The following ZNF17 variants were observed in gnomAD, a reference collection of about 807,000 sequenced individuals.
ZNF17 encodes zinc finger protein 17 (HPF3, KOX 10).
Under a neutral mutation model 7.7 loss-of-function variants are expected in ZNF17, and 4 were observed. That is an observed-to-expected ratio of 0.52 (90% CI 0.26 to 1.20). ZNF17 has a LOEUF of 1.20. Among genes scored for constraint, ZNF17 ranks in the 50% most tolerant of loss-of-function variants. ZNF17 has a pLI of 0.14. For synonymous variants in ZNF17, 249 were observed against 258.8 expected, an observed-to-expected ratio of 0.96 and a Z score of 0.36; for missense variants, 738 against 799.5, an observed-to-expected ratio of 0.92 and a Z score of 0.93.
chr19:57,420,685 GT>G lies in ZNF17; in HGVS notation c.1201del (p.Ser401ProfsTer59). ...GAATGTGGGAAATTCTTTAGATACC[GT>G]TCCACACTCATTAGACATCAGAAAG... ...CNECGKFFRYRSTLIRHQKVH... is the reference protein window; with the variant it reads ...CNECGKFFRYXSTLIRHQKVH... On this transcript the variant is annotated frameshift_variant, in exon 4 of 4. Coordinates refer to ENST00000307658, the MANE Select transcript of ZNF17 (RefSeq NM_001330617.2). LOFTEE classifies it low-confidence loss of function (END_TRUNC). 6.2e-7 allele frequency: 1 copy of G among 1,613,516 alleles called. No individual in the cohort carries two copies. The highest frequency in any genetic ancestry group is 8.5e-7 in the Non-Finnish European group (1 of 1,179,868).
rs1365793363 is a variant in ZNF17, at chr19:57,417,829, G to C, written c.22-83G>C. On this transcript the variant is annotated intron_variant, in intron 2 of 3. Coordinates refer to ENST00000307658, the MANE Select transcript of ZNF17 (RefSeq NM_001330617.2). The stretch of plus-strand genomic sequence containing the variant: ...ACCACTGCACTCCAGCCTGGCAACA[G>C]AGCGAGACTCCATCTCAAAAAAAAA... 3.9e-6 allele frequency: 6 copies of C among 1,522,762 alleles called. No individual in the cohort carries two copies. In the South Asian group the frequency reaches 4.8e-5, roughly 12 times the overall value. 94.3% of individuals were successfully genotyped at this position (1,522,762 alleles called of 1,614,324 possible).
intron 3 of ZNF17, 89 bp from the exon 4 acceptor site, chr19:57,419,546 T>C: frequency 1.4e-6 from 2 of 1,390,292 alleles, no homozygotes; most frequent in Non-Finnish European, 2.0e-6. Flanking sequence ...CCCATGGTCT[T>C]ATTTGTGAGT....
At position 57,421,695 on chromosome 19, in the gene ZNF17, G is replaced by A. The variant is rs762852116; in HGVS notation, c.*214G>A. 1 of 512,746 alleles carries A rather than the reference G, an allele frequency of 2.0e-6. No homozygotes were observed. Among genetic ancestry groups the A allele is most frequent in the Non-Finnish European group, 3.2e-6 (1 of 308,736 alleles). 31.8% of individuals were successfully genotyped at this position (512,746 alleles called of 1,614,324 possible). A position where few individuals can be genotyped will look rare whatever the true frequency, so the allele number is the denominator to read the frequency against. On this transcript the variant is annotated 3_prime_UTR_variant, in exon 4 of 4. Transcript: ENST00000307658. ...AAGTCTTTTCAACTTATGAAACTAA[G>A]TCTATACCTTTTAAAACCTTATTCC...
Position 57,421,717 on chromosome 19 carries a change from T to G in ZNF17, c.*236T>G. On this transcript the variant is annotated 3_prime_UTR_variant, in exon 4 of 4. Transcript: ENST00000307658. The stretch of plus-strand genomic sequence containing the variant: ...TAAGTCTATACCTTTTAAAACCTTA[T>G]TCCTCACTCCATCCAGCCTCTTGAC... The G allele has an allele frequency of 7.3e-6, 3 of 411,426 alleles. No individual in the cohort carries two copies. The highest frequency in any genetic ancestry group is 8.4e-6 in the Non-Finnish European group (2 of 237,274). 25.5% of individuals were successfully genotyped at this position (411,426 alleles called of 1,614,324 possible).
intron 2 of ZNF17, among the ~76,000 whole-genome samples, chr19:57,417,563 C>T (rs778356322): frequency 1.3e-5 from 2 of 151,830 alleles, no homozygotes; most frequent in Admixed American, 6.6e-5. Context: ...AGAAGTTGCT[C>T]ATGGGCCGGG....
chr19:57,413,263 C>T (rs979467861), intron 1 of ZNF17: 2 of 256,614 alleles, frequency 7.8e-6, no homozygotes, highest in Admixed American at 4.8e-5. Flanking sequence ...AAATACACAC[C>T]CAAAATTTCA....
At position 57,421,689 on chromosome 19, in the gene ZNF17, AACT is replaced by A. The variant is rs1429803169; in HGVS notation, c.*210_*212del. ...ATCTAGAAGTCTTTTCAACTTATGA[AACT>A]AAGTCTATACCTTTTAAAACCTTAT... On this transcript the variant is annotated 3_prime_UTR_variant, in exon 4 of 4. Coordinates refer to ENST00000307658, the MANE Select transcript of ZNF17 (RefSeq NM_001330617.2). 1.8e-4 allele frequency: 96 copies of A among 548,338 alleles called. No homozygotes were observed. Among genetic ancestry groups the A allele is most frequent in the Middle Eastern group, 5.0e-4 (1 of 2,016 alleles). 34.0% of individuals were successfully genotyped at this position (548,338 alleles called of 1,614,324 possible). A position where few individuals can be genotyped will look rare whatever the true frequency, so the allele number is the denominator to read the frequency against.
chr19:57,421,621 G>A lies in ZNF17; in HGVS notation c.*140G>A, dbSNP rs2044359852. The A allele has an allele frequency of 2.0e-5, 20 of 982,854 alleles. No individual in the cohort carries two copies. The highest frequency in any genetic ancestry group is 2.9e-5 in the Non-Finnish European group (20 of 681,044). 60.9% of individuals were successfully genotyped at this position (982,854 alleles called of 1,614,324 possible). On this transcript the variant is annotated 3_prime_UTR_variant, in exon 4 of 4. Coordinates refer to ENST00000307658, the MANE Select transcript of ZNF17 (RefSeq NM_001330617.2). ...TCTAACATCTTAACCATGTTAAAGT[G>A]TATAGTTCAGTACTGTTAAGTCATT...
Position 57,421,467 on chromosome 19 carries a change from G to A in ZNF17, c.1981G>A (p.Val661Ile). The A allele has an allele frequency of 1.2e-6, 2 of 1,603,728 alleles. No homozygotes were observed. The highest frequency in any genetic ancestry group is 8.5e-7 in the Non-Finnish European group (1 of 1,174,700). Residue 661 changes from valine to isoleucine, a missense_variant, in exon 4 of 4, where the codon GTT becomes ATT. Coordinates refer to ENST00000307658, the MANE Select transcript of ZNF17 (RefSeq NM_001330617.2). ...QNSHLIQHQKVHTR is the reference protein window; with the variant it reads ...QNSHLIQHQKIHTR ...TTCTCATCTCATTCAGCACCAGAAA[G>A]TTCACACCAGATAAAGAATGTATAT...
chr19:57,411,315 T>G lies in ZNF17; in HGVS notation c.-112T>G. ...GCTCGGTTGAATCGGTTGCAGGCGT[T>G]GGTGCCTCTGTCAGCGTCCAGGTCA... is the stretch of plus-strand genomic sequence containing the variant. On this transcript the variant is annotated 5_prime_UTR_variant, in exon 1 of 4. Coordinates refer to ENST00000307658, the MANE Select transcript of ZNF17 (RefSeq NM_001330617.2). 1 of 1,574,000 alleles carries G rather than the reference T, an allele frequency of 6.4e-7. No individual in the cohort carries two copies. Among genetic ancestry groups the G allele is most frequent in the African/African-American group, 1.3e-5 (1 of 74,426 alleles).
At position 57,421,342 on chromosome 19, in the gene ZNF17, A is replaced by G; in HGVS notation, c.1856A>G (p.Lys619Arg). The G allele has an allele frequency of 6.2e-7, 1 of 1,614,144 alleles. No homozygotes were observed. The highest frequency in any genetic ancestry group is 8.5e-7 in the Non-Finnish European group (1 of 1,180,022). ...EKPYECSECG[K>R]VFRYNSSLIK... is the part of the protein sequence containing the mutation. The stretch of plus-strand genomic sequence containing the variant: ...CCTTATGAGTGCAGTGAATGTGGGA[A>G]AGTCTTTAGATACAACTCCAGCCTC... Residue 619 changes from lysine (K) to arginine (R), a missense_variant, in exon 4 of 4, where the codon AAA becomes AGA. Coordinates refer to ENST00000307658, the MANE Select transcript of ZNF17 (RefSeq NM_001330617.2).
rs10417533 is a variant in ZNF17, at chr19:57,420,185, C to T, written c.699C>T (p.Ser233=). ...GTGGCAAATTGTTTAGGTACAACTC[C>T]GACCTTATTAAACATCAGCGAAATC... ...SECGKLFRYN[S]DLIKHQRNHT... is the part of the protein sequence containing the mutation. The change falls in exon 4 of 4, where the codon TCC becomes TCT. Residue 233 remains serine (S), a synonymous_variant. Transcript: ENST00000307658. The T allele has an allele frequency of 0.24, 385,647 of 1,613,792 alleles. 47,920 individuals are homozygous for T. Among genetic ancestry groups the T allele is most frequent in the African/African-American group, 0.3 (22,803 of 74,898 alleles).
chr19:57,414,412 G>T (rs2088798770), intron 2 of ZNF17, among the ~76,000 whole-genome samples: 1 of 150,292 alleles, frequency 6.7e-6, no homozygotes, highest in African/African-American at 2.5e-5. Context: ...TCGGATCATT[G>T]CGACCTCTGT....
chr19:57,417,771 C>T (rs1476735915), intron 2 of ZNF17, 141 bp from the exon 3 acceptor site: 14 of 1,007,184 alleles, frequency 1.4e-5, no homozygotes, highest in Middle Eastern at 3.4e-4. Flanking sequence ...CACTTGAATC[C>T]GGGAGGCGGA....
At chr19:57,412,513 C>T (rs368979249) in intron 1 of ZNF17, among the ~76,000 whole-genome samples, 3 of 151,392 alleles carry the variant, frequency 2.0e-5, no homozygotes, top group African/African-American at 7.3e-5. Context: ...GGCGCGATCT[C>T]GGCTCACTGC....
chr19:57,421,653 G>A lies in ZNF17; in HGVS notation c.*172G>A. ...TCAGTACTGTTAAGTCATTCACATT[G>A]TGCAATGAATATCTAGAAGTCTTTT... On this transcript the variant is annotated 3_prime_UTR_variant, in exon 4 of 4. Transcript: ENST00000307658. The A allele has an allele frequency of 4.4e-6, 3 of 686,166 alleles. No homozygotes were observed. In the South Asian group the frequency reaches 8.6e-5, roughly 20 times the overall value. 42.5% of individuals were successfully genotyped at this position (686,166 alleles called of 1,614,324 possible). A position where few individuals can be genotyped will look rare whatever the true frequency, so the allele number is the denominator to read the frequency against.
chr19:57,413,703 G>A (rs1447056597), intron 2 of ZNF17, 67 bp downstream of exon 2: 1 of 1,513,170 alleles, frequency 6.6e-7, no homozygotes, highest in African/African-American at 1.4e-5. Context: ...ATAGGGAATG[G>A]TGTTATCCTG....
chr19:57,413,706 T>A, intron 2 of ZNF17, 70 bp downstream of exon 2: 1 of 1,507,598 alleles, frequency 6.6e-7, no homozygotes, highest in Non-Finnish European at 8.9e-7. Context: ...GGGAATGGTG[T>A]TATCCTGAGA....
Position 57,420,769 on chromosome 19 carries a change from C to G in ZNF17, c.1283C>G (p.Thr428Ser). The G allele has an allele frequency of 6.2e-7, 1 of 1,611,678 alleles. No individual in the cohort carries two copies. The highest frequency in any genetic ancestry group is 1.7e-5 in the Admixed American group (1 of 59,840). Residue 428 changes from threonine (T) to serine (S), a missense_variant, in exon 4 of 4, where the codon ACT (threonine) becomes AGT (serine). By Grantham distance (58) the Thr-to-Ser change is moderately conservative. Coordinates refer to ENST00000307658, the MANE Select transcript of ZNF17 (RefSeq NM_001330617.2). Reference protein sequence around the residue: ...CSECGKFFMDTSTLIIHQRVH... With the variant: ...CSECGKFFMDSSTLIIHQRVH... ...GAATGTGGGAAGTTCTTTATGGACA[C>G]TTCCACACTCATTATTCATCAGAGA... is the stretch of plus-strand genomic sequence containing the variant.
Sources: allele counts gnomAD v4.1 joint callset (sites outside exome capture counted in the v4.1 genomes callset), GRCh38; gene constraint gnomAD v4.1.1; transcripts MANE v1.5; gene names NCBI Gene and HGNC (gene_info 2026-07-23, HGNC 2026-07-21).